The following ZNF225 variants were observed in gnomAD, a reference collection of about 807,000 sequenced individuals.
The protein encoded by ZNF225 is zinc finger protein 225.
A neutral mutation model predicts 12.0 loss-of-function variants in ZNF225; 6 were observed. The observed-to-expected ratio is 0.50, with a 90% CI of 0.27 to 0.98. ZNF225 has a LOEUF of 0.98. Ranked by LOEUF, ZNF225 falls within the 50% of genes least tolerant of loss-of-function variation. The pLI, the probability that ZNF225 is intolerant of heterozygous loss-of-function variation, is 0.11. For missense variants in ZNF225, 763 were observed against 848.2 expected, an observed-to-expected ratio of 0.90 and a Z score of 1.25; for synonymous variants, 271 against 283.2, an observed-to-expected ratio of 0.96 and a Z score of 0.43.
chr19:44,114,737 C>G (rs889481499), intron 1 of ZNF225, among the ~76,000 whole-genome samples: 1 of 152,228 alleles, frequency 6.6e-6, no homozygotes, highest in Non-Finnish European at 1.5e-5. Context: ...TCTCAGACTC[C>G]TGACCTCAGG....
At chr19:44,126,419 T>C (rs1289118890) in intron 4 of ZNF225, among the ~76,000 whole-genome samples, 1 of 152,156 alleles carries the variant, frequency 6.6e-6, no homozygotes, top group African/African-American at 2.4e-5. Flanking sequence ...ACCATAGATA[T>C]CAGCGCCTGT....
At chr19:44,127,489 C>T (rs899712728) in intron 4 of ZNF225, among the ~76,000 whole-genome samples, 2 of 152,074 alleles carry the variant, frequency 1.3e-5, no homozygotes, top group African/African-American at 2.4e-5. Flanking sequence ...AGGTAAAATT[C>T]GCAATGGGAG....
chr19:44,113,155 A>AG (rs1967863942), upstream of ZNF225: 2 of 152,472 alleles, frequency 1.3e-5, no homozygotes, highest in African/African-American at 4.8e-5. Context: ...CACTGGCTCC[A>AG]GAAGGAGGAT....
At position 44,127,171 on chromosome 19, in the gene ZNF225, G is replaced by A. The variant is rs539169121; in HGVS notation, c.236-3679G>A. Reference sequence around the variant, plus strand: ...TCCTGATGGATCCCTGTGATGCCAGGCAAGAATGGCCTGCTTAGGGACCCA... The same window carrying A: ...TCCTGATGGATCCCTGTGATGCCAGACAAGAATGGCCTGCTTAGGGACCCA... On this transcript the variant is annotated intron_variant, in intron 4 of 4. Coordinates refer to ENST00000262894, the MANE Select transcript of ZNF225 (RefSeq NM_013362.4). 9.2e-5 allele frequency among the ~76,000 whole-genome samples: 14 copies of A among 152,358 alleles called. 1 individual carries two copies. In the South Asian group the frequency reaches 2.9e-3, roughly 32 times the overall value.
At chr19:44,119,977 C>T (rs761788623) in intron 4 of ZNF225, among the ~76,000 whole-genome samples, 6 of 152,090 alleles carry the variant, frequency 3.9e-5, no homozygotes, top group East Asian at 1.9e-4. Flanking sequence ...CCACTACTTT[C>T]GGAGACCAAG....
intron 4 of ZNF225, among the ~76,000 whole-genome samples, chr19:44,119,076 A>C (rs1179971312): frequency 2.6e-5 from 4 of 152,032 alleles, no homozygotes; most frequent in African/African-American, 7.2e-5. Flanking sequence ...TTGGCCTCCC[A>C]AAGTGCTGGG....
rs757231373 is a variant in ZNF225 at position 44,131,864 on chromosome 19, C to T, written c.1250C>T (p.Ser417Phe). Residue 417 changes from serine to phenylalanine, a missense_variant, in exon 5 of 5, where the codon TCT becomes TTT. Transcript: ENST00000262894. ...KGFYTNSQRY[S>F]HQRAHSGEKP... is the part of the protein sequence containing the mutation. ...TTTTATACAAATTCACAACGTTATT[C>T]TCACCAGAGAGCGCACAGTGGAGAA... 1.9e-6 allele frequency: 3 copies of T among 1,613,960 alleles called. No homozygotes were observed. The Admixed American group carries it at 5.0e-5, about 27-fold the overall frequency.
At chr19:44,130,571 G>A (rs140614925) in intron 4 of ZNF225, 28 of 270,534 alleles carry the variant, frequency 1.0e-4, no homozygotes, top group East Asian at 5.4e-4. Context: ...GGTGGCGGGC[G>A]CCTATAGTCC....
rs1568543804 is a variant in ZNF225 at position 44,132,599 on chromosome 19, T to C, written c.1985T>C (p.Val662Ala). 4 of 1,614,024 alleles carry C rather than the reference T, an allele frequency of 2.5e-6. No individual in the cohort carries two copies. Among genetic ancestry groups the C allele is most frequent in the Non-Finnish European group, 3.4e-6 (4 of 1,179,962 alleles). The change falls in exon 5 of 5, where the codon GTG becomes GCG. Residue 662 changes from valine (V) to alanine (A), a missense_variant. Coordinates refer to ENST00000262894, the MANE Select transcript of ZNF225 (RefSeq NM_013362.4). Reference protein sequence around the residue: ...LQCEDCGKSIVHSSCLKDQQR... With the variant: ...LQCEDCGKSIAHSSCLKDQQR... ...TGTGAGGACTGTGGGAAGAGCATTG[T>C]GCACAGTTCATGCCTTAAAGACCAA...
chr19:44,118,733 C>T (rs1044321447), intron 4 of ZNF225, among the ~76,000 whole-genome samples, 159 bp downstream of exon 4: 1 of 152,178 alleles, frequency 6.6e-6, no homozygotes, highest in African/African-American at 2.4e-5. Context: ...ACTTTTCCCA[C>T]CCTGACATCT....
Position 44,132,753 on chromosome 19 carries a change from G to A in ZNF225, c.*18G>A, listed in dbSNP as rs1269678350. On this transcript the variant is annotated 3_prime_UTR_variant, in exon 5 of 5. Transcript: ENST00000262894. The stretch of plus-strand genomic sequence containing the variant: ...ACACATAACTGTTGTACTCATTTAT[G>A]GGGTACAGTGTGATAGTTAATGCAA... 6.6e-7 allele frequency: 1 copy of A among 1,523,544 alleles called. No individual in the cohort carries two copies. Among genetic ancestry groups the A allele is most frequent in the Non-Finnish European group, 8.8e-7 (1 of 1,130,896 alleles). 94.4% of individuals were successfully genotyped at this position (1,523,544 alleles called of 1,614,324 possible).
chr19:44,127,206 C>G (rs1238162716), intron 4 of ZNF225, among the ~76,000 whole-genome samples: 1 of 152,230 alleles, frequency 6.6e-6, no homozygotes, highest in Non-Finnish European at 1.5e-5. Flanking sequence ...AACGAGGTCC[C>G]AAGGCCTTTC....
At chr19:44,125,040 C>T (rs1028961149) in intron 4 of ZNF225, among the ~76,000 whole-genome samples, 14 of 152,042 alleles carry the variant, frequency 9.2e-5, no homozygotes, top group Admixed American at 3.9e-4. Context: ...TGTGAGGTGC[C>T]GTTGCATTCA....
rs1437584586 is a variant in ZNF225 at position 44,131,274 on chromosome 19, A to G, written c.660A>G (p.Gln220=). ...GKEFNQSSHL[Q]IHQRIHTGEK... ...AATTCAATCAGAGCTCACATCTGCA[A>G]ATTCATCAGAGAATCCACACTGGAG... is the stretch of plus-strand genomic sequence containing the variant. Residue 220 remains glutamine, a synonymous_variant, in exon 5 of 5, where the codon CAA becomes CAG. Coordinates refer to ENST00000262894, the MANE Select transcript of ZNF225 (RefSeq NM_013362.4). The G allele has an allele frequency of 2.5e-6, 4 of 1,614,234 alleles. No homozygotes were observed. The East Asian group carries it at 6.7e-5, about 27-fold the overall frequency.
At chr19:44,121,045 C>T (rs1014224677) in intron 4 of ZNF225, among the ~76,000 whole-genome samples, 4 of 152,100 alleles carry the variant, frequency 2.6e-5, no homozygotes, top group East Asian at 1.9e-4. Context: ...TACAGGCGCC[C>T]GCCACGATGC....
intron 1 of ZNF225, chr19:44,114,284 CGGGCAT>C (rs1296074543): frequency 1.6e-6 from 1 of 638,314 alleles, no homozygotes; most frequent in South Asian, 2.0e-5. Context: ...GATGTGTCTT[CGGGCAT>C]GGGTGTTGCT....
intron 2 of ZNF225, among the ~76,000 whole-genome samples, chr19:44,116,492 T>C (rs567774237): frequency 6.6e-6 from 1 of 152,288 alleles, no homozygotes; most frequent in South Asian, 2.1e-4. Flanking sequence ...AAATCTTTAC[T>C]TTCAGTATGG....
chr19:44,113,801 A>G (rs1967879941), intron 1 of ZNF225, among the ~76,000 whole-genome samples: 1 of 152,154 alleles, frequency 6.6e-6, no homozygotes, highest in Non-Finnish European at 1.5e-5. Flanking sequence ...GTCTCCCGTT[A>G]CAGTTCTTTA....
At chr19:44,124,876 C>A (rs1968118493) in intron 4 of ZNF225, among the ~76,000 whole-genome samples, 1 of 152,136 alleles carries the variant, frequency 6.6e-6, no homozygotes, top group African/African-American at 2.4e-5. Flanking sequence ...ATGCCTTTTC[C>A]ACCCTTTTAC....
Sources: allele counts gnomAD v4.1 joint callset (sites outside exome capture counted in the v4.1 genomes callset), GRCh38; gene constraint gnomAD v4.1.1; transcripts MANE v1.5; gene names NCBI Gene and HGNC (gene_info 2026-07-23, HGNC 2026-07-21).